The following NUSAP1 variants were observed in gnomAD, a reference collection of about 807,000 sequenced individuals.
NUSAP1 encodes the protein nucleolar and spindle associated protein 1, also known as nucleolar and spindle-associated protein 1.
A neutral mutation model predicts 52.8 loss-of-function variants in NUSAP1; 32 were observed. The ratio of observed to expected loss-of-function variants is 0.61; its 90% CI spans 0.46 to 0.81. NUSAP1 has a LOEUF of 0.81. Ranked by LOEUF, NUSAP1 falls within the 40% of genes least tolerant of loss-of-function variation. The pLI is 0.00. For missense variants in NUSAP1, 499 were observed against 522.3 expected, an observed-to-expected ratio of 0.96 and a Z score of 0.43; for synonymous variants, 195 against 183.1, an observed-to-expected ratio of 1.06 and a Z score of -0.52.
intron 7 of NUSAP1, among the ~76,000 whole-genome samples, chr15:41,369,816 C>T (rs1346907797): frequency 6.6e-6 from 1 of 152,074 alleles, no homozygotes; most frequent in Non-Finnish European, 1.5e-5. Flanking sequence ...ACCTGTAATC[C>T]TAGCACTTTG....
At chr15:41,341,952 T>G (rs1170065581) in intron 1 of NUSAP1, among the ~76,000 whole-genome samples, 1 of 152,228 alleles carries the variant, frequency 6.6e-6, no homozygotes, top group Non-Finnish European at 1.5e-5. Flanking sequence ...GAACTTAAGT[T>G]CTTCAAACTC....
At chr15:41,363,733 C>A (rs905816540) in intron 6 of NUSAP1, among the ~76,000 whole-genome samples, 2 of 152,090 alleles carry the variant, frequency 1.3e-5, no homozygotes, top group African/African-American at 4.8e-5. Flanking sequence ...ATATTAATTT[C>A]AATTGTCATA....
Position 41,371,639 on chromosome 15 carries a change from C to T in NUSAP1, c.961C>T (p.Leu321Phe). Residue 321 changes from leucine to phenylalanine, a missense_variant, in exon 8 of 11, where the codon CTT becomes TTT. Leu to Phe is a conservative substitution (Grantham distance 22, BLOSUM62 0). Coordinates refer to ENST00000559596, the MANE Select transcript of NUSAP1 (RefSeq NM_016359.5). The stretch of plus-strand genomic sequence containing the variant: ...GGGCACCCCAAAAGGCGAGGCTGTG[C>T]TTGGGACACACAAATTAAAGACCAT... The part of the protein sequence containing the change: ...SGGTPKGEAV[L>F]GTHKLKTITG... 1.9e-6 allele frequency: 3 copies of T among 1,601,130 alleles called. No homozygotes were observed. Among genetic ancestry groups the T allele is most frequent in the Non-Finnish European group, 2.5e-6 (3 of 1,176,718 alleles).
intron 3 of NUSAP1, among the ~76,000 whole-genome samples, chr15:41,350,719 T>C (rs930643108): frequency 2.5e-4 from 38 of 152,346 alleles, no homozygotes; most frequent in Non-Finnish European, 3.8e-4. Context: ...ACTTGCTCAG[T>C]AGACTGTCTA....
intron 2 of NUSAP1, among the ~76,000 whole-genome samples, chr15:41,346,011 T>G (rs1325812016): frequency 6.6e-6 from 1 of 152,188 alleles, no homozygotes; most frequent in Non-Finnish European, 1.5e-5. Context: ...CTGTAATATT[T>G]TACCTCTGGT....
At chr15:41,358,295 CTGTT>C (rs1432977239) in intron 6 of NUSAP1, 37 bp downstream of exon 6, 2 of 965,096 alleles carry the variant, frequency 2.1e-6, no homozygotes, top group Middle Eastern at 2.1e-4. Flanking sequence ...TGGAACTAAA[CTGTT>C]TGATTATAAT....
chr15:41,342,951 T>G (rs1481781271), intron 2 of NUSAP1: 1 of 153,580 alleles, frequency 6.5e-6, no homozygotes, highest in African/African-American at 2.4e-5. Flanking sequence ...GGTGAAACTG[T>G]TTTGCGCCAA....
At chr15:41,347,972 A>G (rs1010285908) in intron 2 of NUSAP1, among the ~76,000 whole-genome samples, 1 of 151,994 alleles carries the variant, frequency 6.6e-6, no homozygotes, top group South Asian at 2.1e-4. Context: ...AATTAAAACA[A>G]TTAGCTTACG....
At chr15:41,351,239 C>A in intron 4 of NUSAP1, 110 bp downstream of exon 4, 2 of 1,054,240 alleles carry the variant, frequency 1.9e-6, no homozygotes, top group Non-Finnish European at 2.7e-6. Flanking sequence ...CACAACTGGG[C>A]AGCTTAGAAC....
chr15:41,342,196 CTT>C (rs911696170), intron 1 of NUSAP1, among the ~76,000 whole-genome samples, 188 bp from the exon 2 acceptor site: 1 of 152,208 alleles, frequency 6.6e-6, no homozygotes, highest in Non-Finnish European at 1.5e-5. Flanking sequence ...GCAATTGCCT[CTT>C]TCCTTGTCTA....
At chr15:41,334,711 TGTG>T (rs991879523) in intron 1 of NUSAP1, among the ~76,000 whole-genome samples, 2 of 151,928 alleles carry the variant, frequency 1.3e-5, no homozygotes, top group African/African-American at 4.8e-5. Flanking sequence ...TGGCTGTGTG[TGTG>T]TGTGTGTATT....
chr15:41,338,710 C>G (rs934472879), intron 1 of NUSAP1, among the ~76,000 whole-genome samples: 1 of 152,234 alleles, frequency 6.6e-6, no homozygotes, highest in African/African-American at 2.4e-5. Flanking sequence ...AATCCCAGCA[C>G]TTTGAGAGGC....
intron 1 of NUSAP1, among the ~76,000 whole-genome samples, chr15:41,337,709 T>A (rs1192506519): frequency 6.6e-6 from 1 of 152,098 alleles, no homozygotes; most frequent in Non-Finnish European, 1.5e-5. Context: ...TTGGCATGAT[T>A]GAACATTCCC....
intron 6 of NUSAP1, among the ~76,000 whole-genome samples, chr15:41,360,226 C>A (rs1451370348): frequency 3.3e-5 from 5 of 152,078 alleles, no homozygotes; most frequent in Non-Finnish European, 5.9e-5. Flanking sequence ...GCAACCTCCA[C>A]CTCCTGGATT....
At chr15:41,352,870 ACAGGC>A (rs1248762787) in intron 4 of NUSAP1, among the ~76,000 whole-genome samples, 1 of 152,016 alleles carries the variant, frequency 6.6e-6, no homozygotes, top group Non-Finnish European at 1.5e-5. Flanking sequence ...ATTTTTTAAT[ACAGGC>A]CAGTTTTTTG....
At position 41,375,699 on chromosome 15, in the gene NUSAP1, G is replaced by C; in HGVS notation, c.1007-13G>C. On this transcript the variant is annotated splice_polypyrimidine_tract_variant and intron_variant, in intron 8 of 10. Coordinates refer to ENST00000559596, the MANE Select transcript of NUSAP1 (RefSeq NM_016359.5). ...TCTAATTAAGCTCTTGGGTTTTTTCGGTGTGTTTTTAGTTATTACCCCATT... is the reference window on the plus strand; with the variant it reads ...TCTAATTAAGCTCTTGGGTTTTTTCCGTGTGTTTTTAGTTATTACCCCATT... 6.5e-7 allele frequency: 1 copy of C among 1,528,912 alleles called. No individual in the cohort carries two copies. The highest frequency in any genetic ancestry group is 9.1e-7 in the Non-Finnish European group (1 of 1,104,230). 94.7% of individuals were successfully genotyped at this position (1,528,912 alleles called of 1,614,324 possible). A position where few individuals can be genotyped will look rare whatever the true frequency, so the allele number is the denominator to read the frequency against.
intron 1 of NUSAP1, among the ~76,000 whole-genome samples, chr15:41,334,773 C>T (rs1303763914): frequency 6.6e-6 from 1 of 151,962 alleles, no homozygotes; most frequent in African/African-American, 2.4e-5. Context: ...GTCTTGAACT[C>T]CTGGGCTCAA....
At chr15:41,377,006 G>A (rs2049966537) in intron 9 of NUSAP1, among the ~76,000 whole-genome samples, 190 bp from the exon 10 acceptor site, 1 of 151,836 alleles carries the variant, frequency 6.6e-6, no homozygotes, top group South Asian at 2.1e-4. Context: ...AGCCCAGGAG[G>A]CGGAGGTTGC....
intron 1 of NUSAP1, among the ~76,000 whole-genome samples, chr15:41,341,522 C>G (rs2048367218): frequency 6.6e-6 from 1 of 152,196 alleles, no homozygotes; most frequent in African/African-American, 2.4e-5. Flanking sequence ...ACCCCGTCAC[C>G]TTTTGCATTC....
Sources: allele counts gnomAD v4.1 joint callset (sites outside exome capture counted in the v4.1 genomes callset), GRCh38; gene constraint gnomAD v4.1.1; transcripts MANE v1.5; gene names NCBI Gene and HGNC (gene_info 2026-07-23, HGNC 2026-07-21).